Variants in PKIB observed in about 807,000 individuals in gnomAD.
PKIB encodes PKI-beta.
PKIB carries 2 observed loss-of-function variants against 4.5 expected under a neutral mutation model. The ratio of observed to expected loss-of-function variants is 0.44; its 90% CI spans 0.18 to 1.39. The LOEUF is 1.39. PKIB is among the 40% of genes most tolerant of loss of function. The pLI, the probability that PKIB is intolerant of heterozygous loss-of-function variation, is 0.27. For missense variants in PKIB, 94 were observed against 92.6 expected, an observed-to-expected ratio of 1.02 and a Z score of -0.06; for synonymous variants, 38 against 36.0, an observed-to-expected ratio of 1.06 and a Z score of -0.20.
In PKIB at chr6:122,666,754, T is replaced by C. The variant is rs1055404611; in HGVS notation, c.-75-8324T>C. ...GATATATCAAAAGTGACCTCTAAAG[T>C]ATAATTCATCAACTTTACTTTCAGA... On this transcript the variant is annotated intron_variant, in intron 2 of 4. Transcript: ENST00000368452. 3.9e-5 allele frequency among the ~76,000 whole-genome samples: 6 copies of C among 152,194 alleles called. 1 individual carries two copies. Among genetic ancestry groups the C allele is most frequent in the Non-Finnish European group, 5.9e-5 (4 of 68,024 alleles).
At chr6:122,627,899 G>T (rs1017062798) in intron 1 of PKIB, among the ~76,000 whole-genome samples, 1 of 151,502 alleles carries the variant, frequency 6.6e-6, no homozygotes, top group Non-Finnish European at 1.5e-5. Context: ...ATAAAATAAG[G>T]AAAATAAATA....
At chr6:122,473,110 C>G (rs1475837801) in intron 1 of PKIB, among the ~76,000 whole-genome samples, 1 of 149,380 alleles carries the variant, frequency 6.7e-6, no homozygotes, top group Non-Finnish European at 1.5e-5. Flanking sequence ...GACTCCGTCT[C>G]AAAAAAAAAG....
rs530450108 is a variant in PKIB at position 122,471,983 on chromosome 6, T to C, written c.-395T>C. 2.3e-5 allele frequency: 22 copies of C among 937,884 alleles called. No homozygotes were observed. The South Asian group carries it at 3.1e-4, about 13-fold the overall frequency. The allele number at this position is 937,884 out of a possible 1,614,324, so 58.1% of individuals were successfully genotyped here. A position where few individuals can be genotyped will look rare whatever the true frequency, so the allele number is the denominator to read the frequency against. On this transcript the variant is annotated 5_prime_UTR_variant, in exon 1 of 7. Coordinates refer to the PKIB transcript ENST00000392491. Reference sequence around the variant, plus strand: ...TCCTGGAGAATTTCTCAAGGACTGCTGGCTGGAAACTTAACGGCTAATGTG... The same window carrying C: ...TCCTGGAGAATTTCTCAAGGACTGCCGGCTGGAAACTTAACGGCTAATGTG...
At chr6:122,527,697 A>G (rs1777134616) in intron 2 of PKIB, among the ~76,000 whole-genome samples, 1 of 152,176 alleles carries the variant, frequency 6.6e-6, no homozygotes, top group South Asian at 2.1e-4. Flanking sequence ...AGATCACCCT[A>G]CAGATATAAT....
chr6:122,530,379 A>G (rs1020255794), intron 2 of PKIB, among the ~76,000 whole-genome samples: 1 of 152,070 alleles, frequency 6.6e-6, no homozygotes, highest in Non-Finnish European at 1.5e-5. Flanking sequence ...CTCATTGAGT[A>G]TTTTTATGAT....
At chr6:122,648,457 T>TA (rs2114870158) in intron 2 of PKIB, among the ~76,000 whole-genome samples, 1 of 152,302 alleles carries the variant, frequency 6.6e-6, no homozygotes, top group South Asian at 2.1e-4. Context: ...TGCCACCTAC[T>TA]AGGCACTATA....
intron 2 of PKIB, among the ~76,000 whole-genome samples, chr6:122,585,276 G>A (rs1773818205): frequency 6.6e-6 from 1 of 152,124 alleles, no homozygotes; most frequent in African/African-American, 2.4e-5. Context: ...AGACTTGTCT[G>A]CCCTGCACCT....
intron 1 of PKIB, among the ~76,000 whole-genome samples, chr6:122,475,624 A>G (rs1004144893): frequency 1.3e-5 from 2 of 152,104 alleles, no homozygotes; most frequent in African/African-American, 4.8e-5. Flanking sequence ...TGTCTCTACT[A>G]AAAATACAAA....
chr6:122,632,601 C>T (rs942110241), intron 1 of PKIB, among the ~76,000 whole-genome samples: 1 of 152,010 alleles, frequency 6.6e-6, no homozygotes, highest in African/African-American at 2.4e-5. Context: ...ATATGATCTG[C>T]AAAAAATATG....
At chr6:122,519,809 A>G (rs113659740) in intron 2 of PKIB, among the ~76,000 whole-genome samples, 5 of 152,334 alleles carry the variant, frequency 3.3e-5, no homozygotes, top group African/African-American at 9.6e-5. Flanking sequence ...CACTTTTCTC[A>G]GAGCCATTGG....
At chr6:122,578,264 G>A (rs143955964) in intron 2 of PKIB, among the ~76,000 whole-genome samples, 24 of 152,238 alleles carry the variant, frequency 1.6e-4, no homozygotes, top group African/African-American at 5.5e-4. Flanking sequence ...TTAGCATCAC[G>A]TATGATGCTT....
At chr6:122,678,359 T>C (rs547383719) in intron 3 of PKIB, among the ~76,000 whole-genome samples, 1 of 152,322 alleles carries the variant, frequency 6.6e-6, no homozygotes, top group South Asian at 2.1e-4. Flanking sequence ...TGGACAGGAC[T>C]TCTGTTCCTA....
chr6:122,479,798 A>T (rs1440686285), intron 2 of PKIB: 1 of 152,180 alleles, frequency 6.6e-6, no homozygotes, highest in African/African-American at 2.4e-5. Flanking sequence ...TTGTATATAG[A>T]TAGACTTGAC....
intron 1 of PKIB, among the ~76,000 whole-genome samples, chr6:122,631,483 T>TA (rs761232340): frequency 1.3e-5 from 2 of 152,306 alleles, no homozygotes; most frequent in South Asian, 4.1e-4. Flanking sequence ...TGATCACAGA[T>TA]ACCTCTTGGG....
At chr6:122,708,005 T>C (rs921348120) in intron 3 of PKIB, among the ~76,000 whole-genome samples, 18 of 152,238 alleles carry the variant, frequency 1.2e-4, no homozygotes, top group Non-Finnish European at 2.1e-4. Context: ...TTTTATTTAT[T>C]GAGTGCTTGC....
At chr6:122,473,183 A>T (rs1411877674) in intron 1 of PKIB, among the ~76,000 whole-genome samples, 1 of 152,252 alleles carries the variant, frequency 6.6e-6, no homozygotes. Flanking sequence ...TTAATACGTT[A>T]TTTATGGGAG....
rs17052976 is a variant in PKIB, at chr6:122,476,284, T to C, written c.-336-1567T>C. Among the ~76,000 whole-genome samples the C allele has an allele frequency of 7.2e-3, 1,092 of 152,294 alleles. 11 individuals are homozygous for C. The highest frequency in any genetic ancestry group is 0.024 in the African/African-American group (995 of 41,554). On this transcript the variant is annotated intron_variant, in intron 1 of 6. Transcript: ENST00000392491. The stretch of plus-strand genomic sequence containing the variant: ...AACATGTTTAAGTATTTCACAGATA[T>C]TCTGAAAGGATAAGCCAAAAATAGA...
intron 3 of PKIB, among the ~76,000 whole-genome samples, chr6:122,700,147 G>T (rs1191773700): frequency 1.4e-5 from 2 of 146,240 alleles, no homozygotes; most frequent in Non-Finnish European, 3.0e-5. Context: ...GGGTCAAATT[G>T]TAGATCTTTG....
intron 2 of PKIB, among the ~76,000 whole-genome samples, chr6:122,580,854 G>C (rs12212981): frequency 0.12 from 18,895 of 152,188 alleles, 1,525 homozygotes; most frequent in Non-Finnish European, 0.18. Flanking sequence ...TGAATACCTT[G>C]TCTGACATAA....
Sources: gnomAD v4.1 joint callset for allele counts (sites outside exome capture counted in the v4.1 genomes callset) on GRCh38, gnomAD v4.1.1 for gene constraint, MANE v1.5 for transcripts, NCBI Gene and HGNC (gene_info 2026-07-23, HGNC 2026-07-21) for gene names.